COL27A1: variants seen among roughly 807,000 people sequenced by gnomAD.
COL27A1 encodes the protein collagen alpha-1(XXVII) chain.
A neutral mutation model predicts 251.3 loss-of-function variants in COL27A1; 106 were observed. That is an observed-to-expected ratio of 0.42 (90% CI 0.36 to 0.50). COL27A1 has a LOEUF of 0.50. Ranked by LOEUF, COL27A1 falls within the 20% of genes least tolerant of loss-of-function variation. The probability of loss-of-function intolerance (pLI) is 0.00; values close to 1 mark genes in which losing one functional copy is unlikely to be tolerated. For synonymous variants in COL27A1, 1,000 were observed against 986.3 expected (o/e 1.01, Z -0.26); for missense variants, 2,325 against 2,522.8 (o/e 0.92, Z 1.68).
In COL27A1 at chr9:114,168,602, C is replaced by T. The variant is rs1227001353; in HGVS notation, c.1047C>T (p.Arg349=). Residue 349 remains arginine, a synonymous_variant, in exon 3 of 61, where the codon CGC becomes CGT. Transcript: ENST00000356083. ...TTGGCGGCTCTACCAGAACGCCTCG[C>T]CCTGCGGCCGCTCAACCATCACAGA... The part of the protein sequence containing the change: ...ASVGGSTRTP[R]PAAAQPSQKI... 1.2e-6 allele frequency: 2 copies of T among 1,614,074 alleles called. No homozygotes were observed. Among genetic ancestry groups the T allele is most frequent in the East Asian group, 2.2e-5 (1 of 44,888 alleles).
chr9:114,209,529 C>T (rs371980169), intron 10 of COL27A1, 146 bp from the exon 11 acceptor site: 8 of 804,132 alleles, frequency 9.9e-6, no homozygotes, highest in South Asian at 2.7e-5. Context: ...CCTATGTCAT[C>T]GAGGAGCCAC....
intron 58 of COL27A1, chr9:114,307,427 A>C (rs1487799812): frequency 6.0e-6 from 3 of 501,700 alleles, no homozygotes; most frequent in East Asian, 3.7e-5. Flanking sequence ...GATACATCCC[A>C]GTAGCAACAT....
At chr9:114,255,340 AT>A (rs139544218) in intron 27 of COL27A1, among the ~76,000 whole-genome samples, 7,964 of 152,198 alleles carry the variant, frequency 0.052, 718 homozygotes, top group African/African-American at 0.18. Flanking sequence ...AGCCCTCAGC[AT>A]GGGGGGTGCC....
intron 57 of COL27A1, 47 bp downstream of exon 57, chr9:114,304,720 C>A: frequency 6.5e-7 from 1 of 1,534,092 alleles, no homozygotes; most frequent in Non-Finnish European, 9.0e-7. Context: ...CTGGGAGAAA[C>A]GCAAATAGAT....
chr9:114,160,464 A>T (rs1848424249), intron 1 of COL27A1, among the ~76,000 whole-genome samples: 1 of 152,210 alleles, frequency 6.6e-6, no homozygotes, highest in South Asian at 2.1e-4. Context: ...CGTTTTTTAA[A>T]GTCTAGAGTC....
At chr9:114,200,628 G>T (rs567933429) in intron 7 of COL27A1, among the ~76,000 whole-genome samples, 1 of 152,310 alleles carries the variant, frequency 6.6e-6, no homozygotes, top group South Asian at 2.1e-4. Flanking sequence ...TGTGCTTTTT[G>T]ACTAGCCACA....
rs575067764 is a variant in COL27A1 at position 114,174,720 on chromosome 9, G to A, written c.1909-3571G>A. 1.2e-3 allele frequency among the ~76,000 whole-genome samples: 177 copies of A among 152,296 alleles called. 1 individual carries two copies. The highest frequency in any genetic ancestry group is 1.8e-3 in the Non-Finnish European group (124 of 68,016). ...ACAGCTGGACAAACTAAGGCCCGGA[G>A]GCCCAGGGAGATTAAGTAACTTGCT... On this transcript the variant is annotated intron_variant, in intron 3 of 60. Coordinates refer to ENST00000356083, the MANE Select transcript of COL27A1 (RefSeq NM_032888.4).
In COL27A1 at chr9:114,250,643, G is replaced by C. The variant is rs1203572785; in HGVS notation, c.3008G>C (p.Gly1003Ala). The change falls in exon 25 of 61, where the codon GGG becomes GCG. Residue 1003 changes from glycine (G) to alanine (A), a missense_variant. Coordinates refer to ENST00000356083, the MANE Select transcript of COL27A1 (RefSeq NM_032888.4). ...TTTATGGGATTCATTGGTCTGGTCG[G>C]GGAGCCAGGAATCGTGGGAGAAAAG... ...QGFMGFIGLVGEPGIVGEKGD... is the reference protein window; with the variant it reads ...QGFMGFIGLVAEPGIVGEKGD... 6.2e-7 allele frequency: 1 copy of C among 1,612,206 alleles called. No homozygotes were observed. Among genetic ancestry groups the C allele is most frequent in the African/African-American group, 1.3e-5 (1 of 75,022 alleles).
rs1829459658 is a variant in COL27A1 at position 114,311,660 on chromosome 9, G to A, written c.*965G>A. On this transcript the variant is annotated 3_prime_UTR_variant, in exon 61 of 61. Transcript: ENST00000356083. ...GACTTTGAAATGTCTGTCCTTTTAA[G>A]GCAGCAGGGAGGCCTGGGTGCGAAG... 1 of 152,044 alleles carries A rather than the reference G, an allele frequency of 6.6e-6. No individual in the cohort carries two copies. Among genetic ancestry groups the A allele is most frequent in the Non-Finnish European group, 1.5e-5 (1 of 68,032 alleles). The allele number at this position is 152,044 out of a possible 1,614,324, so 9.4% of individuals were successfully genotyped here.
intron 2 of COL27A1, 44 bp downstream of exon 2, chr9:114,162,829 G>T: frequency 6.8e-7 from 1 of 1,461,590 alleles, no homozygotes; most frequent in South Asian, 1.1e-5. Flanking sequence ...AAAGGAGAAC[G>T]GAAGGGGCCT....
At chr9:114,215,720 G>A (rs1000369957) in intron 12 of COL27A1, among the ~76,000 whole-genome samples, 2 of 152,196 alleles carry the variant, frequency 1.3e-5, no homozygotes, top group Non-Finnish European at 2.9e-5. Context: ...CTGGTAAGAA[G>A]TTCTCCAAGA....
chr9:114,221,614 G>A (rs1358984427), intron 13 of COL27A1, among the ~76,000 whole-genome samples: 1 of 152,146 alleles, frequency 6.6e-6, no homozygotes, highest in African/African-American at 2.4e-5. Context: ...TGTTTAAGAC[G>A]AGAAAACTGA....
chr9:114,260,425 G>T (rs1834239554), intron 28 of COL27A1, among the ~76,000 whole-genome samples: 1 of 152,090 alleles, frequency 6.6e-6, no homozygotes, highest in Non-Finnish European at 1.5e-5. Context: ...ACCTACAGAG[G>T]CACCCACCGT....
Position 114,167,946 on chromosome 9 carries a change from C to T in COL27A1, c.391C>T (p.Leu131Phe), listed in dbSNP as rs111969026. The T allele has an allele frequency of 5.3e-5, 85 of 1,609,584 alleles. 1 individual carries two copies. In the African/African-American group the frequency reaches 5.7e-4, roughly 11 times the overall value. The change falls in exon 3 of 61, where the codon CTC (leucine) becomes TTC (phenylalanine). Residue 131 changes from leucine to phenylalanine, a missense_variant. This residue lies in a region of COL27A1 where 1,183 missense variants were observed against 1,144.1 expected (regional missense o/e 1.03). Transcript: ENST00000356083. ...KRKLQLGLQF[L>F]PGKTVVHLGS... is the part of the protein sequence containing the mutation. ...CAAGCTGCAGCTGGGCCTGCAGTTC[C>T]TCCCCGGCAAGACGGTCGTCCACCT...
rs773138111 is a variant in COL27A1, at chr9:114,169,291, A to C, written c.1736A>C (p.Gln579Pro). Residue 579 changes from glutamine to proline, a missense_variant, in exon 3 of 61, where the codon CAG becomes CCG. Gln to Pro is a moderately conservative substitution (Grantham distance 76, BLOSUM62 -1). Coordinates refer to ENST00000356083, the MANE Select transcript of COL27A1 (RefSeq NM_032888.4). ...SDLTTRPSPR[Q>P]PQPSQQTTPA... ...CTGACAACCAGGCCTAGCCCCAGACAGCCCCAGCCCAGTCAGCAGACCACC... is the reference window on the plus strand; with the variant it reads ...CTGACAACCAGGCCTAGCCCCAGACCGCCCCAGCCCAGTCAGCAGACCACC... 1.2e-6 allele frequency: 2 copies of C among 1,612,202 alleles called. No individual in the cohort carries two copies. The highest frequency in any genetic ancestry group is 2.7e-5 in the African/African-American group (2 of 74,888).
chr9:114,234,212 T>TAGAAAA, intron 16 of COL27A1, among the ~76,000 whole-genome samples: 1 of 89,368 alleles, frequency 1.1e-5, no homozygotes, highest in Non-Finnish European at 2.1e-5. Flanking sequence ...TCTTGGACAT[T>TAGAAAA]AAAAAAAAAA....
At chr9:114,256,246 C>T (rs1346728140) in intron 27 of COL27A1, among the ~76,000 whole-genome samples, 1 of 152,210 alleles carries the variant, frequency 6.6e-6, no homozygotes, top group East Asian at 1.9e-4. Context: ...AATCCCAGCA[C>T]TTTGGGAGGC....
In COL27A1 at chr9:114,229,214, A is replaced by G. The variant is rs143287078; in HGVS notation, c.2467-1865A>G. Among the ~76,000 whole-genome samples the G allele has an allele frequency of 7.8e-3, 1,189 of 152,366 alleles. 11 individuals are homozygous for G. The highest frequency in any genetic ancestry group is 0.027 in the African/African-American group (1,122 of 41,594). On this transcript the variant is annotated intron_variant, in intron 14 of 60. Transcript: ENST00000356083. ...GGAATCCTAAAGTCCAGAAAGGGGA[A>G]GCATTTGCCCAAGATCACACAGGTC...
At chr9:114,191,631 G>A (rs1035455313) in intron 5 of COL27A1, among the ~76,000 whole-genome samples, 1 of 152,212 alleles carries the variant, frequency 6.6e-6, no homozygotes, top group Non-Finnish European at 1.5e-5. Context: ...ATTCCGTGAT[G>A]TATATGTACC....
Sources: allele counts gnomAD v4.1 joint callset (sites outside exome capture counted in the v4.1 genomes callset), GRCh38; gene constraint gnomAD v4.1.1; regional missense constraint gnomAD v4.1.1; transcripts MANE v1.5; gene names NCBI Gene and HGNC (gene_info 2026-07-23, HGNC 2026-07-21).